The following SAMD5 variants were observed in gnomAD, a reference collection of about 807,000 sequenced individuals.
SAMD5 encodes the protein sterile alpha motif domain-containing protein 5.
In SAMD5, 13 loss-of-function variants were observed where a neutral mutation model predicts 11.3. That is an observed-to-expected ratio of 1.15 (90% confidence interval 0.75 to 1.83). The LOEUF is 1.83. Ranked by LOEUF, SAMD5 falls within the 40% of genes most tolerant of loss-of-function variation. The pLI is 0.00. For missense variants in SAMD5, 255 were observed against 239.1 expected (o/e 1.07, Z -0.44); for synonymous variants, 129 against 111.3 (o/e 1.16, Z -1.00).
the SAMD5 span, among the ~76,000 whole-genome samples, chr6:147,808,755 T>C: frequency 6.6e-6 from 1 of 152,180 alleles, no homozygotes; most frequent in Admixed American, 6.5e-5. Flanking sequence ...TAATGTTATT[T>C]CATCAGCTGT....
chr6:147,634,372 A>G (rs1317462705), intron 1 of SAMD5, among the ~76,000 whole-genome samples: 2 of 152,050 alleles, frequency 1.3e-5, no homozygotes, highest in African/African-American at 2.4e-5. Context: ...ACCAGATCTC[A>G]TGAGAACTCA....
chr6:147,911,450 T>C, the SAMD5 span, among the ~76,000 whole-genome samples: 3 of 152,158 alleles, frequency 2.0e-5, no homozygotes, highest in Non-Finnish European at 2.9e-5. Context: ...CATGAAGATG[T>C]CATAGCCCAG....
the SAMD5 span, among the ~76,000 whole-genome samples, chr6:147,836,791 T>G: frequency 6.6e-6 from 1 of 152,236 alleles, no homozygotes; most frequent in Non-Finnish European, 1.5e-5. Flanking sequence ...ATCTTCTGTC[T>G]GTATACCTCA....
the SAMD5 span, among the ~76,000 whole-genome samples, chr6:147,896,670 A>G: frequency 6.7e-6 from 1 of 150,312 alleles, no homozygotes; most frequent in East Asian, 2.0e-4. Context: ...AAAATTCTTC[A>G]AGTGGAAATA....
chr6:147,943,479 C>G, the SAMD5 span, among the ~76,000 whole-genome samples: 2 of 152,082 alleles, frequency 1.3e-5, no homozygotes, highest in Non-Finnish European at 2.9e-5. Context: ...TTCCATCCTC[C>G]TCCTCCTCCT....
intron 1 of SAMD5, chr6:147,730,335 G>A (rs898285739): frequency 6.9e-6 from 2 of 289,870 alleles, no homozygotes; most frequent in African/African-American, 2.2e-5. Context: ...GGATAAAAGT[G>A]GGGAGAACAG....
At chr6:147,927,532 G>GA in the SAMD5 span, among the ~76,000 whole-genome samples, 9 of 152,316 alleles carry the variant, frequency 5.9e-5, no homozygotes, top group East Asian at 9.6e-4. Flanking sequence ...AAACTCTGCT[G>GA]AAACTGTTTA....
At chr6:147,862,713 A>C in the SAMD5 span, among the ~76,000 whole-genome samples, 1 of 152,214 alleles carries the variant, frequency 6.6e-6, no homozygotes, top group African/African-American at 2.4e-5. Flanking sequence ...GTGATAGTAC[A>C]TTACTATTAA....
At chr6:147,946,934 T>G in the SAMD5 span, among the ~76,000 whole-genome samples, 1 of 152,194 alleles carries the variant, frequency 6.6e-6, no homozygotes, top group African/African-American at 2.4e-5. Context: ...TTATCTGAGA[T>G]ATGAGGGCCA....
At chr6:147,764,498 T>C in the SAMD5 span, among the ~76,000 whole-genome samples, 4 of 152,218 alleles carry the variant, frequency 2.6e-5, no homozygotes, top group Admixed American at 2.6e-4. Context: ...GACGATAACA[T>C]TTAACCCTCA....
At chr6:147,883,771 A>G in the SAMD5 span, among the ~76,000 whole-genome samples, 4,195 of 152,308 alleles carry the variant, frequency 0.028, 181 homozygotes, top group African/African-American at 0.094. Context: ...AGACAAAGGT[A>G]TAGGTTTTGA....
intron 1 of SAMD5, among the ~76,000 whole-genome samples, chr6:147,680,276 A>G (rs1790922997): frequency 6.6e-6 from 1 of 152,092 alleles, no homozygotes; most frequent in South Asian, 2.1e-4. Flanking sequence ...CATCTCTTGG[A>G]ATTACATATT....
At chr6:147,575,524 C>A (rs934016225) in intron 1 of SAMD5, among the ~76,000 whole-genome samples, 1 of 152,220 alleles carries the variant, frequency 6.6e-6, no homozygotes, top group Admixed American at 6.5e-5. Flanking sequence ...GACTATAATT[C>A]TCCATCTCCT....
chr6:147,595,979 T>C (rs1401732602), intron 1 of SAMD5, among the ~76,000 whole-genome samples: 2 of 152,200 alleles, frequency 1.3e-5, no homozygotes, highest in African/African-American at 4.8e-5. Flanking sequence ...GGATAGACTT[T>C]TAGCAGCATA....
At chr6:147,736,127 C>T (rs1791799814) in intron 1 of SAMD5, among the ~76,000 whole-genome samples, 1 of 152,132 alleles carries the variant, frequency 6.6e-6, no homozygotes, top group African/African-American at 2.4e-5. Context: ...AGCAGTGTGA[C>T]ATCAGGCAGA....
At chr6:147,733,002 T>C (rs1230117830) in intron 1 of SAMD5, among the ~76,000 whole-genome samples, 2 of 152,256 alleles carry the variant, frequency 1.3e-5, no homozygotes, top group Non-Finnish European at 2.9e-5. Context: ...TGAGCACTAC[T>C]GGAAGCTTTT....
intron 1 of SAMD5, among the ~76,000 whole-genome samples, chr6:147,725,196 G>A (rs756358908): frequency 4.6e-5 from 7 of 152,098 alleles, no homozygotes; most frequent in East Asian, 3.9e-4. Context: ...TAAGGAGTAC[G>A]TTTTTAATCA....
chr6:147,878,496 A>G, the SAMD5 span, among the ~76,000 whole-genome samples: 63 of 151,292 alleles, frequency 4.2e-4, no homozygotes, highest in Non-Finnish European at 5.9e-4. Flanking sequence ...AGTATCTAAT[A>G]TTAATGACAT....
intron 1 of SAMD5, among the ~76,000 whole-genome samples, chr6:147,710,414 C>G (rs1162582874): frequency 6.6e-6 from 1 of 152,152 alleles, no homozygotes; most frequent in East Asian, 1.9e-4. Flanking sequence ...CAATTGCATG[C>G]CATTTTGAGA....
Sources: allele counts gnomAD v4.1 joint callset (sites outside exome capture counted in the v4.1 genomes callset), GRCh38; gene constraint gnomAD v4.1.1; transcripts MANE v1.5; gene names NCBI Gene and HGNC (gene_info 2026-07-23, HGNC 2026-07-21).